Variants in SMYD3 observed in about 807,000 individuals in gnomAD.
The protein encoded by SMYD3 is SET and MYND domain containing 3, also known as histone-lysine N-methyltransferase SMYD3.
In SMYD3, 36 loss-of-function variants were observed where a neutral mutation model predicts 57.7. The observed-to-expected ratio is 0.62, with a 90% CI of 0.48 to 0.82. The LOEUF is 0.82. SMYD3 is among the 40% of genes least tolerant of loss of function. The pLI is 0.00. For missense variants in SMYD3, 515 were observed against 538.8 expected (o/e 0.96, Z 0.44); for synonymous variants, 211 against 195.0 (o/e 1.08, Z -0.68).
At chr1:245,856,958 C>T (rs1423198781) in intron 10 of SMYD3, among the ~76,000 whole-genome samples, 1 of 152,206 alleles carries the variant, frequency 6.6e-6, no homozygotes, top group Non-Finnish European at 1.5e-5. Context: ...TCTGACCTGC[C>T]TCTTTTTGCA....
At chr1:245,921,576 TACC>T (rs2055960242) in intron 7 of SMYD3, among the ~76,000 whole-genome samples, 1 of 147,584 alleles carries the variant, frequency 6.8e-6, no homozygotes, top group Non-Finnish European at 1.5e-5. Flanking sequence ...TATATACACA[TACC>T]ATGGAATAGT....
chr1:246,322,882 C>A (rs776138080), intron 5 of SMYD3, among the ~76,000 whole-genome samples: 1 of 152,202 alleles, frequency 6.6e-6, no homozygotes, highest in African/African-American at 2.4e-5. Flanking sequence ...TTTTAAACAT[C>A]AAGCTCTTAT....
chr1:246,453,731 T>C (rs184940707), intron 1 of SMYD3, among the ~76,000 whole-genome samples: 4 of 152,336 alleles, frequency 2.6e-5, no homozygotes. Context: ...ATCAGGTGTA[T>C]GCAATACACT....
rs1304039061 is a variant in SMYD3 at position 245,908,983 on chromosome 1, CAG to C, written c.813+6545_813+6546del. Reference sequence around the variant, plus strand: ...AAGATCCAAACAGATCTAAACAAAACAGAGATTAAAGAACAATACAATACAAA... The same window carrying C: ...AAGATCCAAACAGATCTAAACAAAACAGATTAAAGAACAATACAATACAAA... On this transcript the variant is annotated intron_variant, in intron 8 of 11. Coordinates refer to ENST00000490107, the MANE Select transcript of SMYD3 (RefSeq NM_001167740.2). Among the ~76,000 whole-genome samples, 9 of 151,842 alleles carry C rather than the reference CAG, an allele frequency of 5.9e-5. No homozygotes were observed. The East Asian group carries it at 9.7e-4, about 16-fold the overall frequency.
intron 2 of SMYD3, among the ~76,000 whole-genome samples, chr1:246,341,705 T>C (rs889914394): frequency 2.6e-5 from 4 of 152,236 alleles, no homozygotes; most frequent in Non-Finnish European, 4.4e-5. Context: ...TTTATTTCTT[T>C]CTTACGCAAA....
intron 10 of SMYD3, among the ~76,000 whole-genome samples, chr1:245,836,862 C>G (rs1039561878): frequency 6.6e-6 from 1 of 152,174 alleles, no homozygotes; most frequent in Non-Finnish European, 1.5e-5. Flanking sequence ...GGAATTCAAC[C>G]TTTAAGTGGA....
At chr1:246,026,159 AAAAG>A (rs956550831) in intron 5 of SMYD3, 3 of 152,078 alleles carry the variant, frequency 2.0e-5, no homozygotes, top group African/African-American at 4.8e-5. Flanking sequence ...CCCGCCAAAA[AAAAG>A]AAAAGAAAAT....
At chr1:246,475,312 A>G (rs923724799) in intron 1 of SMYD3, among the ~76,000 whole-genome samples, 47 of 146,780 alleles carry the variant, frequency 3.2e-4, no homozygotes, top group Non-Finnish European at 6.2e-4. Context: ...TGGGCAACAC[A>G]GCGAGAGACT....
chr1:246,028,696 C>T (rs76180446), intron 5 of SMYD3, among the ~76,000 whole-genome samples: 5,063 of 152,180 alleles, frequency 0.033, 285 homozygotes, highest in African/African-American at 0.12. Flanking sequence ...TGTCAAAATA[C>T]CAAACCACAT....
At chr1:246,110,926 G>A (rs910207506) in intron 5 of SMYD3, among the ~76,000 whole-genome samples, 2 of 152,092 alleles carry the variant, frequency 1.3e-5, no homozygotes, top group Non-Finnish European at 2.9e-5. Context: ...TAGGATTTTA[G>A]ATATTTCTCA....
chr1:246,049,790 T>C (rs1349207801), intron 5 of SMYD3, among the ~76,000 whole-genome samples: 1 of 152,198 alleles, frequency 6.6e-6, no homozygotes, highest in East Asian at 1.9e-4. Context: ...AGTCAGCTTA[T>C]GAGATTCCTC....
intron 10 of SMYD3, among the ~76,000 whole-genome samples, chr1:245,823,534 A>G (rs959962455): frequency 1.3e-5 from 2 of 152,198 alleles, no homozygotes; most frequent in African/African-American, 4.8e-5. Context: ...GCTCCCATTC[A>G]TGTCAACAGT....
rs541647787 is a variant in SMYD3, at chr1:245,873,715, G to A, written c.814-9829C>T. Reference sequence around the variant, plus strand: ...GTTTAAAGGGCAGTGTCCCGAAGGCGAAGGTTATAGGATAACCTAGATGTG... The same window carrying A: ...GTTTAAAGGGCAGTGTCCCGAAGGCAAAGGTTATAGGATAACCTAGATGTG... On this transcript the variant is annotated intron_variant, in intron 8 of 11. Transcript: ENST00000490107. Among the ~76,000 whole-genome samples the A allele has an allele frequency of 1.1e-3, 173 of 152,346 alleles. No homozygotes were observed. In the South Asian group the frequency reaches 0.014, roughly 12 times the overall value.
intron 5 of SMYD3, among the ~76,000 whole-genome samples, chr1:246,272,435 T>C (rs559664388): frequency 3.3e-5 from 5 of 152,326 alleles, no homozygotes; most frequent in African/African-American, 7.2e-5. Context: ...GCTTTTACTA[T>C]GTTGAAGTAG....
intron 1 of SMYD3, among the ~76,000 whole-genome samples, chr1:246,383,467 T>C (rs1386559649): frequency 1.3e-5 from 2 of 152,194 alleles, no homozygotes; most frequent in Non-Finnish European, 1.5e-5. Flanking sequence ...TGATTCATAT[T>C]GCACTAAAGG....
intron 8 of SMYD3, among the ~76,000 whole-genome samples, chr1:245,877,318 G>A (rs1450634421): frequency 6.6e-6 from 1 of 152,242 alleles, no homozygotes; most frequent in Non-Finnish European, 1.5e-5. Flanking sequence ...TCGGGGGAAA[G>A]GGGTGGAGAT....
At chr1:246,454,118 A>G (rs1317604290) in intron 1 of SMYD3, among the ~76,000 whole-genome samples, 1 of 152,224 alleles carries the variant, frequency 6.6e-6, no homozygotes, top group East Asian at 1.9e-4. Flanking sequence ...TCATTCAACT[A>G]TGAAATGAGT....
intron 10 of SMYD3, among the ~76,000 whole-genome samples, chr1:245,815,290 TGTTG>T (rs2048738870): frequency 6.6e-6 from 1 of 152,254 alleles, no homozygotes; most frequent in African/African-American, 2.4e-5. Context: ...CCAGAAGAGC[TGTTG>T]GTTAACTCAA....
chr1:245,759,389 A>T (rs2045747305), intron 11 of SMYD3, among the ~76,000 whole-genome samples: 1 of 152,166 alleles, frequency 6.6e-6, no homozygotes, highest in African/African-American at 2.4e-5. Context: ...CACCATGGAT[A>T]CTAAGTCCAT....
Sources: allele counts gnomAD v4.1 joint callset (sites outside exome capture counted in the v4.1 genomes callset), GRCh38; gene constraint gnomAD v4.1.1; transcripts MANE v1.5; gene names NCBI Gene and HGNC (gene_info 2026-07-23, HGNC 2026-07-21).